The following TMEM150A variants were observed in gnomAD, a reference collection of about 807,000 sequenced individuals.
TMEM150A encodes the protein fasting-inducible integral membrane protein TM6P1.
Under a neutral mutation model 29.8 loss-of-function variants are expected in TMEM150A, and 18 were observed. The ratio of observed to expected loss-of-function variants is 0.60; its 90% CI spans 0.42 to 0.90. TMEM150A has a LOEUF of 0.90. TMEM150A is among the 40% of genes least tolerant of loss of function. The pLI, the probability that TMEM150A is intolerant of heterozygous loss-of-function variation, is 0.00. For synonymous variants in TMEM150A, 127 were observed against 143.6 expected, an observed-to-expected ratio of 0.88 and a Z score of 0.83; for missense variants, 251 against 349.7, an observed-to-expected ratio of 0.72 and a Z score of 2.25.
rs1372430443 is a variant in TMEM150A, at chr2:85,599,757, C to T, written c.397-55G>A. 1.9e-6 allele frequency: 3 copies of T among 1,593,176 alleles called. No homozygotes were observed. The highest frequency in any genetic ancestry group is 2.6e-6 in the Non-Finnish European group (3 of 1,168,824). ...GTGGCCATGGCCCCACCTCTCCACCCCTCCTTCAATGAATCTCCTCTCTCC... is the reference window on the plus strand; with the variant it reads ...GTGGCCATGGCCCCACCTCTCCACCTCTCCTTCAATGAATCTCCTCTCTCC... On this transcript the variant is annotated intron_variant, in intron 6 of 7. Transcript: ENST00000334462. This position sits in a 1 kb window ranked among gnomAD's most constrained non-coding sequence, Gnocchi z 6.0.
chr2:85,600,025 G>C lies in TMEM150A; in HGVS notation c.269-7C>G. 6.2e-7 allele frequency: 1 copy of C among 1,611,766 alleles called. No homozygotes were observed. The highest frequency in any genetic ancestry group is 8.5e-7 in the Non-Finnish European group (1 of 1,179,956). On this transcript the variant is annotated splice_polypyrimidine_tract_variant and splice_region_variant and intron_variant, in intron 5 of 7. Coordinates refer to ENST00000334462, the MANE Select transcript of TMEM150A (RefSeq NM_001031738.3). ...AGGAGGCAGATCAGGGCCACTGGGGGAGGAGAGCACAGTTGAGGCCTTCCT... is the reference window on the plus strand; with the variant it reads ...AGGAGGCAGATCAGGGCCACTGGGGCAGGAGAGCACAGTTGAGGCCTTCCT...
In TMEM150A at chr2:85,601,622, C is replaced by T; in HGVS notation, c.66-140G>A. On this transcript the variant is annotated intron_variant, in intron 2 of 7. Transcript: ENST00000334462. This position sits in a 1 kb window ranked among gnomAD's most constrained non-coding sequence, Gnocchi z 4.0. ...GGGACTCAAGTTGAGGTCCCTAAGG[C>T]TTGATGCCACACCAGCACCTGCAGC... The T allele has an allele frequency of 1.0e-6, 1 of 959,800 alleles. No individual in the cohort carries two copies. 59.5% of individuals were successfully genotyped at this position (959,800 alleles called of 1,614,324 possible). A position where few individuals can be genotyped will look rare whatever the true frequency, so the allele number is the denominator to read the frequency against.
Position 85,601,100 on chromosome 2 carries a change from T to C in TMEM150A, c.121A>G (p.Asn41Asp), listed in dbSNP as rs1417996525. 1 of 1,612,630 alleles carries C rather than the reference T, an allele frequency of 6.2e-7. No homozygotes were observed. The highest frequency in any genetic ancestry group is 1.7e-5 in the Admixed American group (1 of 59,698). The change falls in exon 4 of 8, where the codon AAC becomes GAC. Residue 41 changes from asparagine (N) to aspartate (D), a missense_variant. Coordinates refer to ENST00000334462, the MANE Select transcript of TMEM150A (RefSeq NM_001031738.3). The surrounding 1 kb of genome is among the most constrained non-coding windows in gnomAD (Gnocchi z 4.0). The stretch of plus-strand genomic sequence containing the variant: ...GCAGGGTCAGGAGGGCAGGACTCGT[T>C]GTAGGACCTGGCAGGCAGGACAGGG... ...HVCPVENWSY[N>D]ESCPPDPAEQ...
rs565885361 is a variant in TMEM150A, at chr2:85,600,024, G to T, written c.269-6C>A. 6.2e-7 allele frequency: 1 copy of T among 1,611,770 alleles called. No homozygotes were observed. The highest frequency in any genetic ancestry group is 2.2e-5 in the East Asian group (1 of 44,866). On this transcript the variant is annotated splice_polypyrimidine_tract_variant and splice_region_variant and intron_variant, in intron 5 of 7. Coordinates refer to ENST00000334462, the MANE Select transcript of TMEM150A (RefSeq NM_001031738.3). ...CAGGAGGCAGATCAGGGCCACTGGGGGAGGAGAGCACAGTTGAGGCCTTCC... is the reference window on the plus strand; with the variant it reads ...CAGGAGGCAGATCAGGGCCACTGGGTGAGGAGAGCACAGTTGAGGCCTTCC...
chr2:85,601,363 C>T lies in TMEM150A; in HGVS notation c.113+72G>A, dbSNP rs764413019. Reference sequence around the variant, plus strand: ...CTCAGGGTTGCAGTCTGGCTCGTGGCAGCCTCAGGCCCAAGAGGGGACAGA... The same window carrying T: ...CTCAGGGTTGCAGTCTGGCTCGTGGTAGCCTCAGGCCCAAGAGGGGACAGA... On this transcript the variant is annotated intron_variant, in intron 3 of 7. Transcript: ENST00000334462. This position sits in a 1 kb window ranked among gnomAD's most constrained non-coding sequence, Gnocchi z 4.0. The T allele has an allele frequency of 1.3e-6, 2 of 1,581,290 alleles. No homozygotes were observed. The highest frequency in any genetic ancestry group is 8.7e-7 in the Non-Finnish European group (1 of 1,150,450).
At position 85,601,234 on chromosome 2, in the gene TMEM150A, A is replaced by G. The variant is rs1672930541; in HGVS notation, c.114-127T>C. 1 of 1,195,382 alleles carries G rather than the reference A, an allele frequency of 8.4e-7. No homozygotes were observed. Among genetic ancestry groups the G allele is most frequent in the Admixed American group, 1.9e-5 (1 of 52,226 alleles). The allele number at this position is 1,195,382 out of a possible 1,614,324, so 74.0% of individuals were successfully genotyped here. A position where few individuals can be genotyped will look rare whatever the true frequency, so the allele number is the denominator to read the frequency against. On this transcript the variant is annotated intron_variant, in intron 3 of 7. Transcript: ENST00000334462. This position sits in a 1 kb window ranked among gnomAD's most constrained non-coding sequence, Gnocchi z 4.0. ...ACAGGGACAGAAGATCCCACTCCCC[A>G]GTGCCCGCCTGAAGCAGTAACCAAA...
Position 85,602,129 on chromosome 2 carries a change from C to T in TMEM150A, c.-116-65G>A. On this transcript the variant is annotated intron_variant, in intron 1 of 7. Transcript: ENST00000334462. This position sits in a 1 kb window ranked among gnomAD's most constrained non-coding sequence, Gnocchi z 5.6. ...CCGGGAAGGGGGAGGGGAAGGGGGTCAACACCTTATCCAGCGCTCCCGTTG... is the reference window on the plus strand; with the variant it reads ...CCGGGAAGGGGGAGGGGAAGGGGGTTAACACCTTATCCAGCGCTCCCGTTG... The T allele has an allele frequency of 1.7e-6, 1 of 592,560 alleles. No individual in the cohort carries two copies. Among genetic ancestry groups the T allele is most frequent in the Non-Finnish European group, 3.1e-6 (1 of 324,042 alleles). The allele number at this position is 592,560 out of a possible 1,614,324, so 36.7% of individuals were successfully genotyped here.
At position 85,599,510 on chromosome 2, in the gene TMEM150A, G is replaced by C. The variant is rs371900749; in HGVS notation, c.574+15C>G. The C allele has an allele frequency of 1.5e-5, 24 of 1,604,956 alleles. No individual in the cohort carries two copies. The highest frequency in any genetic ancestry group is 1.7e-5 in the Non-Finnish European group (20 of 1,175,366). ...TAGAGGATGAGTTCCTGGCTGCCCC[G>C]TCCTGAAAGGATACTGAGGACCAGG... On this transcript the variant is annotated intron_variant, in intron 7 of 7. Transcript: ENST00000334462. This position sits in a 1 kb window ranked among gnomAD's most constrained non-coding sequence, Gnocchi z 6.0.
In TMEM150A at chr2:85,599,792, CCT is replaced by C; in HGVS notation, c.397-92_397-91del. ...TGAATCTCCTCTCTCCCTCTTCCTT[CCT>C]CTCCCTCTTTCCAGCCCCAACCTTG... is the stretch of plus-strand genomic sequence containing the variant. On this transcript the variant is annotated intron_variant, in intron 6 of 7. Coordinates refer to ENST00000334462, the MANE Select transcript of TMEM150A (RefSeq NM_001031738.3). The surrounding 1 kb of genome is among the most constrained non-coding windows in gnomAD (Gnocchi z 6.0). 6.2e-7 allele frequency: 1 copy of C among 1,600,768 alleles called. No homozygotes were observed. Among genetic ancestry groups the C allele is most frequent in the Non-Finnish European group, 8.5e-7 (1 of 1,172,520 alleles).
In TMEM150A at chr2:85,602,533, C is replaced by T. The variant is rs1558833437; in HGVS notation, c.-117+74G>A. On this transcript the variant is annotated intron_variant, in intron 1 of 7. Coordinates refer to ENST00000334462, the MANE Select transcript of TMEM150A (RefSeq NM_001031738.3). The surrounding 1 kb of genome is among the most constrained non-coding windows in gnomAD (Gnocchi z 5.6). ...GGCCGGACCCTGCGGCCGGCGACCCCCCAGGACCCGGGACGCGAGAGTCCC... is the reference window on the plus strand; with the variant it reads ...GGCCGGACCCTGCGGCCGGCGACCCTCCAGGACCCGGGACGCGAGAGTCCC... 6.6e-6 allele frequency: 1 copy of T among 152,008 alleles called. No homozygotes were observed. The highest frequency in any genetic ancestry group is 6.6e-5 in the Admixed American group (1 of 15,260). 9.4% of individuals were successfully genotyped at this position (152,008 alleles called of 1,614,324 possible).
chr2:85,602,206 C>T lies in TMEM150A; in HGVS notation c.-116-142G>A. ...TGAGCCCACGGCAGAACGTGAACAC[C>T]CTCTGGCACTGGGGGCCTCCGCGGT... On this transcript the variant is annotated intron_variant, in intron 1 of 7. Coordinates refer to ENST00000334462, the MANE Select transcript of TMEM150A (RefSeq NM_001031738.3). This position sits in a 1 kb window ranked among gnomAD's most constrained non-coding sequence, Gnocchi z 5.6. 2.3e-6 allele frequency: 1 copy of T among 435,416 alleles called. No homozygotes were observed. Among genetic ancestry groups the T allele is most frequent in the South Asian group, 2.7e-5 (1 of 37,164 alleles). The allele number at this position is 435,416 out of a possible 1,614,324, so 27.0% of individuals were successfully genotyped here. A position where few individuals can be genotyped will look rare whatever the true frequency, so the allele number is the denominator to read the frequency against.
In TMEM150A at chr2:85,599,639, A is replaced by G. The variant is rs1233410137; in HGVS notation, c.460T>C (p.Phe154Leu). 4 of 1,613,680 alleles carry G rather than the reference A, an allele frequency of 2.5e-6. No homozygotes were observed. The highest frequency in any genetic ancestry group is 3.4e-6 in the Non-Finnish European group (4 of 1,180,018). Residue 154 changes from phenylalanine to leucine, a missense_variant, in exon 7 of 8, where the codon TTT becomes CTT. Phe to Leu is a conservative substitution (Grantham distance 22, BLOSUM62 0). Transcript: ENST00000334462. This position sits in a 1 kb window ranked among gnomAD's most constrained non-coding sequence, Gnocchi z 6.0. ...AGVAFPAGLL[F>L]VCLHCALSYQ... ...GAGAGAGCACAGTGCAGGCAAACAA[A>G]GAGCAGCCCCGCAGGGAAGGCCACG...
Position 85,602,128 on chromosome 2 carries a change from T to A in TMEM150A, c.-116-64A>T. The A allele has an allele frequency of 3.4e-6, 2 of 584,524 alleles. No individual in the cohort carries two copies. The highest frequency in any genetic ancestry group is 3.1e-6 in the Non-Finnish European group (1 of 319,008). 36.2% of individuals were successfully genotyped at this position (584,524 alleles called of 1,614,324 possible). A position where few individuals can be genotyped will look rare whatever the true frequency, so the allele number is the denominator to read the frequency against. On this transcript the variant is annotated intron_variant, in intron 1 of 7. Coordinates refer to ENST00000334462, the MANE Select transcript of TMEM150A (RefSeq NM_001031738.3). This position sits in a 1 kb window ranked among gnomAD's most constrained non-coding sequence, Gnocchi z 5.6. Reference sequence around the variant, plus strand: ...GCCGGGAAGGGGGAGGGGAAGGGGGTCAACACCTTATCCAGCGCTCCCGTT... The same window carrying A: ...GCCGGGAAGGGGGAGGGGAAGGGGGACAACACCTTATCCAGCGCTCCCGTT...
chr2:85,599,659 G>C lies in TMEM150A; in HGVS notation c.440C>G (p.Ala147Gly). 6.2e-7 allele frequency: 1 copy of C among 1,613,618 alleles called. No homozygotes were observed. Among genetic ancestry groups the C allele is most frequent in the Non-Finnish European group, 8.5e-7 (1 of 1,180,000 alleles). Residue 147 changes from alanine (A) to glycine (G), a missense_variant, in exon 7 of 8, where the codon GCC becomes GGC. Transcript: ENST00000334462. This position sits in a 1 kb window ranked among gnomAD's most constrained non-coding sequence, Gnocchi z 6.0. ...AACAAAGAGCAGCCCCGCAGGGAAG[G>C]CCACGCCAGCTCCAACGTAGTGCAG... ...RSLHYVGAGV[A>G]FPAGLLFVCL...
intron 4 of TMEM150A, chr2:85,600,635 G>A (rs957770053): frequency 3.3e-5 from 19 of 578,730 alleles, no homozygotes; most frequent in Non-Finnish European, 4.7e-5. Flanking sequence ...AGGAGTGTTC[G>A]GGCAACCCTG....
chr2:85,601,313 C>A lies in TMEM150A; in HGVS notation c.113+122G>T, dbSNP rs771106855. The stretch of plus-strand genomic sequence containing the variant: ...GGTGGCAAGAAGCCATGCCTGGGGA[C>A]CAATTTCAGAGAAGAGCAGTGAGGC... On this transcript the variant is annotated intron_variant, in intron 3 of 7. Coordinates refer to ENST00000334462, the MANE Select transcript of TMEM150A (RefSeq NM_001031738.3). The surrounding 1 kb of genome is among the most constrained non-coding windows in gnomAD (Gnocchi z 4.0). 4 of 1,364,408 alleles carry A rather than the reference C, an allele frequency of 2.9e-6. No homozygotes were observed. In the Admixed American group the frequency reaches 6.7e-5, roughly 23 times the overall value. 84.5% of individuals were successfully genotyped at this position (1,364,408 alleles called of 1,614,324 possible).
chr2:85,601,803 C>G lies in TMEM150A; in HGVS notation c.65+81G>C. 1 of 1,514,072 alleles carries G rather than the reference C, an allele frequency of 6.6e-7. No homozygotes were observed. The highest frequency in any genetic ancestry group is 9.1e-7 in the Non-Finnish European group (1 of 1,096,630). The allele number at this position is 1,514,072 out of a possible 1,614,324, so 93.8% of individuals were successfully genotyped here. A position where few individuals can be genotyped will look rare whatever the true frequency, so the allele number is the denominator to read the frequency against. ...GAGACACCCAGAGTGACCCTGGGTA[C>G]CACCGTGGCTATGACAGGACAAGAG... On this transcript the variant is annotated intron_variant, in intron 2 of 7. Coordinates refer to ENST00000334462, the MANE Select transcript of TMEM150A (RefSeq NM_001031738.3). This position sits in a 1 kb window ranked among gnomAD's most constrained non-coding sequence, Gnocchi z 4.0.
At chr2:85,600,117 T>A (rs186664673) in intron 5 of TMEM150A, 99 bp from the exon 6 acceptor site, 3 of 1,494,152 alleles carry the variant, frequency 2.0e-6, no homozygotes, top group Admixed American at 2.0e-5. Flanking sequence ...CTGCCCCTTC[T>A]GAGGGGCAGA....
In TMEM150A at chr2:85,602,494, G is replaced by T. The variant is rs1169416547; in HGVS notation, c.-117+113C>A. The T allele has an allele frequency of 6.6e-6, 1 of 151,954 alleles. No individual in the cohort carries two copies. 9.4% of individuals were successfully genotyped at this position (151,954 alleles called of 1,614,324 possible). A position where few individuals can be genotyped will look rare whatever the true frequency, so the allele number is the denominator to read the frequency against. ...CCCGGCCCCCGCTCGCCTGGGCGCGGGGACCCCGGCTGGGGCCGGACCCTG... is the reference window on the plus strand; with the variant it reads ...CCCGGCCCCCGCTCGCCTGGGCGCGTGGACCCCGGCTGGGGCCGGACCCTG... On this transcript the variant is annotated intron_variant, in intron 1 of 7. Coordinates refer to ENST00000334462, the MANE Select transcript of TMEM150A (RefSeq NM_001031738.3). The surrounding 1 kb of genome is among the most constrained non-coding windows in gnomAD (Gnocchi z 5.6).
Sources: allele counts gnomAD v4.1 joint callset, GRCh38; gene constraint gnomAD v4.1.1; non-coding constraint Gnocchi (gnomAD v3.1); transcripts MANE v1.5; gene names NCBI Gene and HGNC (gene_info 2026-07-23, HGNC 2026-07-21).